FER1L5: variants seen among roughly 807,000 people sequenced by gnomAD.
FER1L5 encodes the protein fer-1-like protein 5.
FER1L5 carries 187 observed loss-of-function variants against 279.9 expected under a neutral mutation model. The observed-to-expected ratio is 0.67, with a 90% confidence interval of 0.59 to 0.75. The LOEUF (loss-of-function observed/expected upper bound fraction) is 0.75. FER1L5 is among the 30% of genes least tolerant of loss of function. FER1L5 has a pLI of 0.00. For synonymous variants in FER1L5, 921 were observed against 989.7 expected (o/e 0.93, Z 1.30); for missense variants, 2,091 against 2,594.4 (o/e 0.81, Z 4.21).
intron 19 of FER1L5, among the ~76,000 whole-genome samples, chr2:96,683,368 C>T (rs774173248): frequency 2.0e-5 from 3 of 152,100 alleles, no homozygotes; most frequent in African/African-American, 4.8e-5. Flanking sequence ...CCTCTGCTCT[C>T]GCACAGTGTC....
chr2:96,692,904 G>A (rs183582049), intron 31 of FER1L5, among the ~76,000 whole-genome samples: 10 of 152,270 alleles, frequency 6.6e-5, no homozygotes, highest in African/African-American at 1.2e-4. Context: ...AGAGCTGGGC[G>A]CGGTGACTCA....
intron 19 of FER1L5, among the ~76,000 whole-genome samples, chr2:96,681,548 T>C (rs866802435): frequency 2.4e-4 from 37 of 151,996 alleles, no homozygotes; most frequent in Non-Finnish European, 5.1e-4. Context: ...ATAATAATTA[T>C]TATTTTTTAA....
chr2:96,668,760 C>T lies in FER1L5; in HGVS notation c.1150C>T (p.Leu384Phe). ...ILTFRIQLPC[L>F]SSYIKFRVLD... ...CTCCTTCCCTCCACAGCTACCCTGC[C>T]TCTCCAGCTACATCAAGTTCAGAGT... The change falls in exon 15 of 53, where the codon CTC (leucine) becomes TTC (phenylalanine). Residue 384 changes from leucine (L) to phenylalanine (F), a missense_variant. Coordinates refer to ENST00000624922, the MANE Select transcript of FER1L5 (RefSeq NM_001293083.2). 6.4e-7 allele frequency: 1 copy of T among 1,551,652 alleles called. No individual in the cohort carries two copies. The highest frequency in any genetic ancestry group is 8.7e-7 in the Non-Finnish European group (1 of 1,146,964).
intron 31 of FER1L5, 46 bp downstream of exon 31, chr2:96,692,227 G>A: frequency 6.5e-7 from 1 of 1,538,690 alleles, no homozygotes; most frequent in Non-Finnish European, 8.8e-7. Context: ...AAGGCCTCAG[G>A]GAGGAGAGCA....
At chr2:96,661,872 A>C in intron 12 of FER1L5, 81 bp downstream of exon 12, 2 of 1,522,214 alleles carry the variant, frequency 1.3e-6, no homozygotes, top group Non-Finnish European at 8.8e-7. Flanking sequence ...GAGTTTCCTC[A>C]TTCCTTTTGG....
Position 96,694,239 on chromosome 2 carries a change from C to A in FER1L5, c.3637-121C>A. The A allele has an allele frequency of 7.7e-7, 1 of 1,296,590 alleles. No homozygotes were observed. Among genetic ancestry groups the A allele is most frequent in the Non-Finnish European group, 1.0e-6 (1 of 965,388 alleles). The allele number at this position is 1,296,590 out of a possible 1,614,324, so 80.3% of individuals were successfully genotyped here. On this transcript the variant is annotated intron_variant, in intron 33 of 52. Transcript: ENST00000624922. The surrounding 1 kb of genome is among the most constrained non-coding windows in gnomAD (Gnocchi z 4.6). ...CCTGACCAGCCTCTCCCCTAAGTCC[C>A]CCTGCCAGCCCCTACCCATGGGGCT...
intron 45 of FER1L5, 81 bp downstream of exon 45, chr2:96,700,552 T>C (rs2077553651): frequency 3.2e-6 from 5 of 1,586,012 alleles, no homozygotes; most frequent in Non-Finnish European, 3.4e-6. Context: ...ACCCAGGACA[T>C]AGTCCACGAG....
rs748653420 is a variant in FER1L5 at position 96,695,662 on chromosome 2, G to T, written c.3894+1G>T. 1.9e-6 allele frequency: 3 copies of T among 1,605,284 alleles called. No homozygotes were observed. The highest frequency in any genetic ancestry group is 2.2e-5 in the East Asian group (1 of 44,636). ...TGAGTCTGTCCTAGTCCTCACAGTG[G>T]TAAGAGGCCCCAGGGCAGGGGCTGG... On this transcript the variant is annotated splice_donor_variant, in intron 35 of 52. Transcript: ENST00000624922. LOFTEE classifies it high-confidence loss of function.
At position 96,694,199 on chromosome 2, in the gene FER1L5, G is replaced by C. The variant is rs936177309; in HGVS notation, c.3636+127G>C. 2 of 1,375,234 alleles carry C rather than the reference G, an allele frequency of 1.5e-6. No homozygotes were observed. Among genetic ancestry groups the C allele is most frequent in the South Asian group, 1.5e-5 (1 of 68,076 alleles). The allele number at this position is 1,375,234 out of a possible 1,614,324, so 85.2% of individuals were successfully genotyped here. On this transcript the variant is annotated intron_variant, in intron 33 of 52. Transcript: ENST00000624922. This position sits in a 1 kb window ranked among gnomAD's most constrained non-coding sequence, Gnocchi z 4.6. The stretch of plus-strand genomic sequence containing the variant: ...TGGGGCCCAGGATCCCGAGCTGTGG[G>C]CTTGGTGACGCTGGCCTGACCAGCC...
rs1249598972 is a variant in FER1L5, at chr2:96,698,827, G to A, written c.4513G>A (p.Gly1505Ser). The A allele has an allele frequency of 1.3e-6, 2 of 1,560,956 alleles. No individual in the cohort carries two copies. The highest frequency in any genetic ancestry group is 1.7e-6 in the Non-Finnish European group (2 of 1,152,618). The change falls in exon 41 of 53, where the codon GGC becomes AGC. Residue 1505 changes from glycine to serine, a missense_variant. Transcript: ENST00000624922. This position sits in a 1 kb window ranked among gnomAD's most constrained non-coding sequence, Gnocchi z 5.5. ...CAACCTGCAGCCCCAGGACTACAAT[G>A]GCCTGGTAAAGAACAGTACCTGCCC... The part of the protein sequence containing the change: ...AINLQPQDYN[G>S]LCDPYVILKL...
At chr2:96,687,722 G>A (rs1036973734) in intron 23 of FER1L5, 94 bp from the exon 24 acceptor site, 53 of 1,415,504 alleles carry the variant, frequency 3.7e-5, no homozygotes, top group Non-Finnish European at 4.5e-5. Flanking sequence ...CAGGGCTCAG[G>A]GGGGAAGGGG....
Position 96,689,612 on chromosome 2 carries a change from G to T in FER1L5, c.2526-32G>T. 1 of 1,539,722 alleles carries T rather than the reference G, an allele frequency of 6.5e-7. No homozygotes were observed. The highest frequency in any genetic ancestry group is 1.2e-5 in the South Asian group (1 of 83,800). On this transcript the variant is annotated intron_variant, in intron 25 of 52. Transcript: ENST00000624922. This position sits in a 1 kb window ranked among gnomAD's most constrained non-coding sequence, Gnocchi z 4.6. Reference sequence around the variant, plus strand: ...GGCCCTAGGGGCTGCTTGGGGAGTTGTGCTGGGAACTTGGGGTCTCATTAC... The same window carrying T: ...GGCCCTAGGGGCTGCTTGGGGAGTTTTGCTGGGAACTTGGGGTCTCATTAC...
Position 96,689,167 on chromosome 2 carries a change from T to C in FER1L5, c.2362-46T>C. Reference sequence around the variant, plus strand: ...CCAGGGGAGGCCCATGTCCCCGCACTTTGTGCTAGAGGAGGCGGCCGCCCT... The same window carrying C: ...CCAGGGGAGGCCCATGTCCCCGCACCTTGTGCTAGAGGAGGCGGCCGCCCT... On this transcript the variant is annotated intron_variant, in intron 24 of 52. Transcript: ENST00000624922. The surrounding 1 kb of genome is among the most constrained non-coding windows in gnomAD (Gnocchi z 4.6). 11 of 1,534,480 alleles carry C rather than the reference T, an allele frequency of 7.2e-6. No homozygotes were observed. The highest frequency in any genetic ancestry group is 9.6e-6 in the Non-Finnish European group (11 of 1,141,144).
chr2:96,651,249 T>TTCTTTCTTTCTTTC (rs2075356346), intron 6 of FER1L5, among the ~76,000 whole-genome samples: 1 of 95,808 alleles, frequency 1.0e-5, no homozygotes, highest in Non-Finnish European at 2.3e-5. Flanking sequence ...CTTTCTTTCT[T>TTCTTTCTTTCTTTC]TCTTTCTTTC....
chr2:96,658,980 C>T (rs1051981864), intron 9 of FER1L5, among the ~76,000 whole-genome samples: 5 of 152,104 alleles, frequency 3.3e-5, no homozygotes, highest in African/African-American at 9.7e-5. Flanking sequence ...GAGTCTCTCT[C>T]TGTCACCCAG....
At chr2:96,661,832 C>A in intron 12 of FER1L5, 41 bp downstream of exon 12, 1 of 1,550,044 alleles carries the variant, frequency 6.5e-7, no homozygotes, top group South Asian at 1.2e-5. Flanking sequence ...CCCTGAGATT[C>A]CCTACACGGT....
intron 1 of FER1L5, among the ~76,000 whole-genome samples, chr2:96,643,480 G>A (rs534779855): frequency 1.3e-5 from 2 of 151,992 alleles, no homozygotes; most frequent in Non-Finnish European, 2.9e-5. Flanking sequence ...CTCCGAAGTA[G>A]CTGGGACTAC....
Position 96,673,208 on chromosome 2 carries a change from C to CA in FER1L5, c.1625dup (p.Pro543AlafsTer14). 6.4e-7 allele frequency: 1 copy of CA among 1,551,550 alleles called. No homozygotes were observed. The highest frequency in any genetic ancestry group is 1.7e-4 in the Middle Eastern group (1 of 5,990). ...ATGGGAACAAGATGGACCTGAATTACAAGCCTCTAGTCTCAAGCACACCGT... is the reference window on the plus strand; with the variant it reads ...ATGGGAACAAGATGGACCTGAATTACAAAGCCTCTAGTCTCAAGCACACCGT... On this transcript the variant is annotated frameshift_variant, in exon 19 of 53. Coordinates refer to ENST00000624922, the MANE Select transcript of FER1L5 (RefSeq NM_001293083.2). LOFTEE classifies it high-confidence loss of function.
chr2:96,663,290 GT>G, intron 13 of FER1L5, 148 bp from the exon 14 acceptor site: 1 of 692,476 alleles, frequency 1.4e-6, no homozygotes, highest in Non-Finnish European at 2.6e-6. Context: ...CTGCTGAGAA[GT>G]TGTGCAGGTG....
Sources: gnomAD v4.1 joint callset for allele counts (sites outside exome capture counted in the v4.1 genomes callset) on GRCh38, gnomAD v4.1.1 for gene constraint, Gnocchi (gnomAD v3.1) non-coding constraint, MANE v1.5 for transcripts, NCBI Gene and HGNC (gene_info 2026-07-23, HGNC 2026-07-21) for gene names.